Variants in LDB3 observed in about 807,000 individuals in gnomAD.
LDB3 encodes LIM domain-binding protein 3.
Under a neutral mutation model 69.0 loss-of-function variants are expected in LDB3, and 49 were observed. The observed-to-expected ratio is 0.71, with a 90% confidence interval of 0.56 to 0.90. The LOEUF (loss-of-function observed/expected upper bound fraction) is 0.90, where lower values mean the gene tolerates loss of function less well. Among genes scored for constraint, LDB3 ranks in the 40% least tolerant of loss-of-function variants. The pLI is 0.00. For missense variants in LDB3, 928 were observed against 974.1 expected (o/e 0.95, Z 0.63); for synonymous variants, 387 against 396.2 (o/e 0.98, Z 0.28).
At chr10:86,692,347 C>T (rs1845805877) in intron 6 of LDB3, among the ~76,000 whole-genome samples, 188 bp from the exon 7 acceptor site, 2 of 152,372 alleles carry the variant, frequency 1.3e-5, no homozygotes, top group South Asian at 4.1e-4. Flanking sequence ...ATGAGGCCCT[C>T]TCAGGCTACC....
chr10:86,680,997 C>T (rs546527124), intron 4 of LDB3, among the ~76,000 whole-genome samples: 19 of 152,356 alleles, frequency 1.2e-4, no homozygotes, highest in Non-Finnish European at 2.5e-4. Flanking sequence ...AGCTTCCCTC[C>T]TCACCTCCCC....
chr10:86,688,924 C>T (rs1845631658), intron 5 of LDB3, among the ~76,000 whole-genome samples: 1 of 152,120 alleles, frequency 6.6e-6, no homozygotes, highest in Non-Finnish European at 1.5e-5. Flanking sequence ...GGACGTTTCC[C>T]ATCTCCCTCC....
chr10:86,672,670 G>A (rs1033740921), intron 2 of LDB3, among the ~76,000 whole-genome samples: 1 of 152,234 alleles, frequency 6.6e-6, no homozygotes, highest in Non-Finnish European at 1.5e-5. Context: ...GAGGCTCAGA[G>A]GCTCACAGCT....
chr10:86,691,073 G>T (rs1286165952), intron 5 of LDB3, among the ~76,000 whole-genome samples: 4 of 152,312 alleles, frequency 2.6e-5, no homozygotes, highest in African/African-American at 9.6e-5. Context: ...TTTGACCATG[G>T]CCTGCACTGC....
intron 2 of LDB3, among the ~76,000 whole-genome samples, chr10:86,672,916 G>A (rs374353513): frequency 1.3e-5 from 2 of 152,246 alleles, no homozygotes; most frequent in Admixed American, 6.5e-5. Context: ...CTGCAGGGCT[G>A]TTTGAGAAAG....
At chr10:86,715,122 C>A (rs78214136) in intron 9 of LDB3, among the ~76,000 whole-genome samples, 8,268 of 152,088 alleles carry the variant, frequency 0.054, 341 homozygotes, top group African/African-American at 0.12. Flanking sequence ...GGGTCTTAGG[C>A]CCTAAGGAAA....
intron 7 of LDB3, among the ~76,000 whole-genome samples, chr10:86,705,477 A>G (rs1846408114): frequency 6.6e-6 from 1 of 152,188 alleles, no homozygotes; most frequent in Non-Finnish European, 1.5e-5. Context: ...CTTTCCTATA[A>G]TTTAATTTTT....
In LDB3 at chr10:86,681,812, C is replaced by A. The variant is rs727503124; in HGVS notation, c.689+9C>A. On this transcript the variant is annotated intron_variant, in intron 5 of 13. Coordinates refer to ENST00000361373, the MANE Select transcript of LDB3 (RefSeq NM_007078.3). ...GTCGGACTCCCAGGAGGGTAGGTAA[C>A]GGACATACAGCTCTCCACAGGTGGC... 6.3e-7 allele frequency: 1 copy of A among 1,586,930 alleles called. No individual in the cohort carries two copies. Among genetic ancestry groups the A allele is most frequent in the Admixed American group, 1.8e-5 (1 of 56,092 alleles).
At chr10:86,732,723 T>C in intron 13 of LDB3, 164 bp from the exon 14 acceptor site, 1 of 624,484 alleles carries the variant, frequency 1.6e-6, no homozygotes, top group South Asian at 1.7e-5. Context: ...AGGCTGGTCT[T>C]GGACTCCTGA....
chr10:86,718,964 C>G, intron 12 of LDB3, 117 bp downstream of exon 12: 1 of 1,316,902 alleles, frequency 7.6e-7, no homozygotes. Flanking sequence ...GCCTTTATTT[C>G]TGGAAGAAAC....
At chr10:86,685,285 C>T (rs1845405872) in intron 5 of LDB3, among the ~76,000 whole-genome samples, 1 of 152,218 alleles carries the variant, frequency 6.6e-6, no homozygotes, top group African/African-American at 2.4e-5. Flanking sequence ...TGGGCCTCAG[C>T]CTTTTCCATA....
chr10:86,730,885 G>A (rs1847429647), intron 13 of LDB3, among the ~76,000 whole-genome samples: 1 of 152,142 alleles, frequency 6.6e-6, no homozygotes, highest in South Asian at 2.1e-4. Context: ...GGGCGTGGTG[G>A]CTCACGCCTG....
At chr10:86,685,380 G>C (rs1020642796) in intron 5 of LDB3, among the ~76,000 whole-genome samples, 8 of 152,142 alleles carry the variant, frequency 5.3e-5, no homozygotes, top group Non-Finnish European at 8.8e-5. Flanking sequence ...TCATGTATGC[G>C]GTACGAGTGC....
chr10:86,717,832 ACATTACTTCAT>A lies in LDB3; in HGVS notation c.1677-129_1677-119del, dbSNP rs1400757702. On this transcript the variant is annotated intron_variant, in intron 10 of 13. Transcript: ENST00000361373. Reference sequence around the variant, plus strand: ...CTGCATGGAGCTTTCTCTGAATTTCACATTACTTCATCAGAACAGTCACAAAAGTCAGAGTT... The same window carrying A: ...CTGCATGGAGCTTTCTCTGAATTTCACAGAACAGTCACAAAAGTCAGAGTT... 7.4e-6 allele frequency: 6 copies of A among 807,258 alleles called. No individual in the cohort carries two copies. The East Asian group carries it at 1.3e-4, about 18-fold the overall frequency. 50.0% of individuals were successfully genotyped at this position (807,258 alleles called of 1,614,324 possible).
chr10:86,716,120 G>A (rs1420158902), intron 9 of LDB3, among the ~76,000 whole-genome samples: 9 of 152,076 alleles, frequency 5.9e-5, no homozygotes, highest in East Asian at 1.9e-4. Flanking sequence ...GGGTTCTGCT[G>A]TGCTTGCTCC....
intron 12 of LDB3, among the ~76,000 whole-genome samples, chr10:86,720,954 A>G (rs937003321): frequency 6.6e-6 from 1 of 152,170 alleles, no homozygotes; most frequent in Non-Finnish European, 1.5e-5. Flanking sequence ...AACTTTAGAC[A>G]TCCGCTACCA....
At chr10:86,706,098 T>C (rs1388758740) in intron 7 of LDB3, among the ~76,000 whole-genome samples, 1 of 151,414 alleles carries the variant, frequency 6.6e-6, no homozygotes, top group Non-Finnish European at 1.5e-5. Flanking sequence ...TTCACTCTGC[T>C]TTTTTTGCTG....
chr10:86,691,938 C>T lies in LDB3; in HGVS notation c.732C>T (p.Pro244=), dbSNP rs144509718. The T allele has an allele frequency of 7.2e-5, 117 of 1,614,040 alleles. No homozygotes were observed. The African/African-American group carries it at 9.1e-4, about 13-fold the overall frequency. The change falls in exon 6 of 14, where the codon CCC becomes CCT. Residue 244 remains proline (P), a synonymous_variant. Transcript: ENST00000361373. ...ACCTTGCCGTAGACAGCGCCTCTCC[C>T]GTCTACCAGGCTGTGATTAAGAGCC... ...IKDLAVDSAS[P]VYQAVIKSQN... is the part of the protein sequence containing the mutation.
chr10:86,692,632 C>T, intron 7 of LDB3, 61 bp downstream of exon 7: 17 of 1,472,592 alleles, frequency 1.2e-5, no homozygotes, highest in South Asian at 1.1e-5. Flanking sequence ...CCCCGGGCAG[C>T]CCCCAGGTCA....
Sources: gnomAD v4.1 joint callset for allele counts (sites outside exome capture counted in the v4.1 genomes callset) on GRCh38, gnomAD v4.1.1 for gene constraint, MANE v1.5 for transcripts, NCBI Gene and HGNC (gene_info 2026-07-23, HGNC 2026-07-21) for gene names.